The following RBFOX1 variants were observed in gnomAD, a reference collection of about 807,000 sequenced individuals.
RBFOX1 encodes RNA binding protein fox-1 homolog 1.
RBFOX1 carries 8 observed loss-of-function variants against 57.7 expected under a neutral mutation model. The observed-to-expected ratio is 0.14, with a 90% CI of 0.08 to 0.25. The LOEUF (loss-of-function observed/expected upper bound fraction) is 0.25. Ranked by LOEUF, RBFOX1 falls within the 10% of genes least tolerant of loss-of-function variation. The pLI is 1.00. For missense variants in RBFOX1, 611 were observed against 548.5 expected, an observed-to-expected ratio of 1.11 and a Z score of -1.14; for synonymous variants, 326 against 222.4, an observed-to-expected ratio of 1.47 and a Z score of -4.15.
chr16:7,254,912 T>A (rs1264133612), intron 4 of RBFOX1, among the ~76,000 whole-genome samples: 1 of 152,136 alleles, frequency 6.6e-6, no homozygotes, highest in Non-Finnish European at 1.5e-5. Flanking sequence ...TACCATCATT[T>A]CTCTAGACAT....
chr16:6,929,969 CT>C (rs2076238399), intron 3 of RBFOX1, among the ~76,000 whole-genome samples: 1 of 152,168 alleles, frequency 6.6e-6, no homozygotes, highest in Non-Finnish European at 1.5e-5. Flanking sequence ...ATCAGAATGA[CT>C]GGCAAACCTG....
chr16:6,125,597 C>T (rs549517298), intron 1 of RBFOX1, among the ~76,000 whole-genome samples: 4 of 152,270 alleles, frequency 2.6e-5, no homozygotes, highest in African/African-American at 4.8e-5. Flanking sequence ...TCATGGGAAT[C>T]GTGTACCCAA....
intron 2 of RBFOX1, among the ~76,000 whole-genome samples, chr16:6,557,962 G>A (rs528338282): frequency 1.3e-5 from 2 of 151,952 alleles, no homozygotes; most frequent in Non-Finnish European, 2.9e-5. Context: ...ATTCTTTCTT[G>A]CCACAACCTC....
chr16:7,144,479 T>G (rs1245393206), intron 4 of RBFOX1, among the ~76,000 whole-genome samples: 1 of 141,186 alleles, frequency 7.1e-6, no homozygotes, highest in Admixed American at 7.9e-5. Flanking sequence ...AGTGCAGTGG[T>G]GGCACACACA....
At chr16:6,746,172 C>G (rs1333698825) in intron 3 of RBFOX1, among the ~76,000 whole-genome samples, 5 of 151,942 alleles carry the variant, frequency 3.3e-5, no homozygotes. Context: ...GGTTGAGAGA[C>G]TTATCTTAGT....
At chr16:7,158,400 A>G (rs749686843) in intron 4 of RBFOX1, among the ~76,000 whole-genome samples, 1 of 152,194 alleles carries the variant, frequency 6.6e-6, no homozygotes. Flanking sequence ...GATTGATCTT[A>G]CTGATGTAGA....
intron 4 of RBFOX1, among the ~76,000 whole-genome samples, chr16:7,413,484 A>C (rs2098449539): frequency 6.6e-6 from 1 of 152,040 alleles, no homozygotes; most frequent in Non-Finnish European, 1.5e-5. Context: ...AGGTGAGGTC[A>C]ACACTACCAG....
At chr16:7,554,494 T>C (rs778493502) in intron 5 of RBFOX1, among the ~76,000 whole-genome samples, 1 of 152,196 alleles carries the variant, frequency 6.6e-6, no homozygotes, top group Non-Finnish European at 1.5e-5. Flanking sequence ...CTGAGTCGTG[T>C]AGACTAAGTG....
chr16:6,985,622 G>A (rs1006210746), intron 3 of RBFOX1, among the ~76,000 whole-genome samples: 6 of 152,162 alleles, frequency 3.9e-5, no homozygotes, highest in Non-Finnish European at 8.8e-5. Flanking sequence ...GAGGTCAGGA[G>A]TTAGAGAACA....
intron 4 of RBFOX1, among the ~76,000 whole-genome samples, chr16:7,226,616 T>C (rs1005709078): frequency 6.6e-5 from 10 of 152,284 alleles, no homozygotes; most frequent in African/African-American, 2.4e-4. Context: ...GTTAAGTGCT[T>C]TCAGAGTTAA....
chr16:6,983,034 G>C (rs2089356973), intron 3 of RBFOX1, among the ~76,000 whole-genome samples: 1 of 147,658 alleles, frequency 6.8e-6, no homozygotes, highest in African/African-American at 2.5e-5. Context: ...GTGTCGAACT[G>C]AGGCTCGAGC....
intron 3 of RBFOX1, among the ~76,000 whole-genome samples, chr16:6,886,306 C>G (rs1316296743): frequency 6.6e-6 from 1 of 151,934 alleles, no homozygotes; most frequent in South Asian, 2.1e-4. Flanking sequence ...ACGTGATCTG[C>G]CCACCTCGAC....
chr16:6,718,273 G>A (rs139654243), intron 3 of RBFOX1, among the ~76,000 whole-genome samples: 65 of 152,272 alleles, frequency 4.3e-4, no homozygotes, highest in African/African-American at 1.3e-3. Flanking sequence ...ACTATTCCAC[G>A]TGCTGGGGTT....
At chr16:6,211,879 T>C (rs1240674659) in intron 1 of RBFOX1, among the ~76,000 whole-genome samples, 2 of 151,292 alleles carry the variant, frequency 1.3e-5, no homozygotes, top group Non-Finnish European at 2.9e-5. Flanking sequence ...TAACAGAGTC[T>C]CGCTCTGTCA....
chr16:5,641,739 G>A (rs188701746), intron 3 of RBFOX1, among the ~76,000 whole-genome samples: 31 of 152,284 alleles, frequency 2.0e-4, no homozygotes, highest in African/African-American at 5.3e-4. Context: ...GGAGCTCAGC[G>A]GAATAAAGGC....
chr16:5,285,826 C>T (rs1319557769), intron 1 of RBFOX1, among the ~76,000 whole-genome samples: 5 of 152,106 alleles, frequency 3.3e-5, no homozygotes, highest in African/African-American at 9.7e-5. Flanking sequence ...GGCTGGAGTG[C>T]AGTGACATAA....
intron 1 of RBFOX1, among the ~76,000 whole-genome samples, chr16:6,055,144 C>T (rs980133971): frequency 2.6e-5 from 4 of 151,966 alleles, no homozygotes; most frequent in African/African-American, 9.7e-5. Flanking sequence ...TCCTACAGGT[C>T]ATTTATAGTA....
chr16:5,732,460 G>C (rs1051328848), intron 3 of RBFOX1, among the ~76,000 whole-genome samples: 41 of 152,182 alleles, frequency 2.7e-4, no homozygotes, highest in African/African-American at 9.9e-4. Flanking sequence ...TGCAGAACAG[G>C]AGCGAGTTGG....
At chr16:7,394,623 ACAGTGT>A (rs1478011899) in intron 4 of RBFOX1, among the ~76,000 whole-genome samples, 8 of 152,078 alleles carry the variant, frequency 5.3e-5, no homozygotes, top group African/African-American at 1.7e-4. Flanking sequence ...GGGTGCCACT[ACAGTGT>A]CTGGATTCTC....
Sources: allele counts gnomAD v4.1 joint callset (sites outside exome capture counted in the v4.1 genomes callset), GRCh38; gene constraint gnomAD v4.1.1; transcripts MANE v1.5; gene names NCBI Gene and HGNC (gene_info 2026-07-23, HGNC 2026-07-21).